SCN9A: variants seen among roughly 807,000 people sequenced by gnomAD.
SCN9A encodes sodium channel protein type 9 subunit alpha.
A neutral mutation model predicts 187.0 loss-of-function variants in SCN9A; 131 were observed. The observed-to-expected ratio is 0.70, with a 90% CI of 0.61 to 0.81. The LOEUF (loss-of-function observed/expected upper bound fraction) is 0.81, where lower values mean the gene tolerates loss of function less well. Ranked by LOEUF, SCN9A falls within the 30% of genes least tolerant of loss-of-function variation. The pLI is 0.00. For synonymous variants in SCN9A, 809 were observed against 808.6 expected, an observed-to-expected ratio of 1.00 and a Z score of -0.01; for missense variants, 2,252 against 2,396.6, an observed-to-expected ratio of 0.94 and a Z score of 1.26.
chr2:166,251,704 T>C, intron 18 of SCN9A, 61 bp downstream of exon 18: 1 of 1,599,650 alleles, frequency 6.3e-7, no homozygotes, highest in Non-Finnish European at 8.6e-7. Context: ...TATTAGGCGT[T>C]AAGACAAACC....
At position 166,304,134 on chromosome 2, in the gene SCN9A, G is replaced by T. The variant is rs144573884; in HGVS notation, c.688+104C>A. ...ACTCTGTCACATATCTGTAATAGGG[G>T]AGTTTATACACACAGTGACGACACA... On this transcript the variant is annotated intron_variant, in intron 6 of 26. Coordinates refer to ENST00000642356, the MANE Select transcript of SCN9A (RefSeq NM_001365536.1). The T allele has an allele frequency of 3.5e-5, 56 of 1,613,224 alleles. No individual in the cohort carries two copies. In the African/African-American group the frequency reaches 6.1e-4, roughly 18 times the overall value.
At chr2:166,225,809 T>C (rs192955571) in intron 24 of SCN9A, among the ~76,000 whole-genome samples, 271 of 152,114 alleles carry the variant, frequency 1.8e-3, no homozygotes, top group African/African-American at 5.6e-3. Flanking sequence ...ATGGGAGAGA[T>C]TGGAGTTCTG....
intron 1 of SCN9A, among the ~76,000 whole-genome samples, chr2:166,318,187 A>AC (rs1178763397): frequency 6.6e-6 from 1 of 152,114 alleles, no homozygotes; most frequent in African/African-American, 2.4e-5. Context: ...TTTAGCTAGA[A>AC]CCAGGGTGGA....
chr2:166,323,066 G>A (rs1369493121), intron 1 of SCN9A, among the ~76,000 whole-genome samples: 2 of 152,050 alleles, frequency 1.3e-5, no homozygotes, highest in African/African-American at 2.4e-5. Flanking sequence ...TTTATATGAA[G>A]ACTTGCAAAA....
chr2:166,329,429 C>A (rs1363984743), intron 1 of SCN9A, among the ~76,000 whole-genome samples: 1 of 151,952 alleles, frequency 6.6e-6, no homozygotes, highest in Non-Finnish European at 1.5e-5. Context: ...TTAAAATACA[C>A]TTTATTGTGT....
At position 166,286,616 on chromosome 2, in the gene SCN9A, G is replaced by A. The variant is rs200880165; in HGVS notation, c.1322C>T (p.Ala441Val). ...ACTTGTATATTCAGCCGCTGCCGCT[G>A]CAATTGCCTGGTTGGGCCAAGACGT... Reference protein sequence around the residue: ...KKEQEEAEAIAAAAAEYTSIR... With the variant: ...KKEQEEAEAIVAAAAEYTSIR... Residue 441 changes from alanine to valine, a missense_variant, in exon 11 of 27, where the codon GCA becomes GTA. Ala to Val is a moderately conservative substitution (Grantham distance 64). Around this residue, in one of 7 missense-constraint regions of SCN9A, gnomAD observed 1,013 missense variants for 997.4 expected, o/e 1.02. Transcript: ENST00000642356. 6.5e-7 allele frequency: 1 copy of A among 1,542,462 alleles called. No homozygotes were observed.
chr2:166,280,387 T>G lies in SCN9A; in HGVS notation c.2313A>C (p.Glu771Asp). ...MAMEHHPMTEEFKNVLAIGNL... is the reference protein window; with the variant it reads ...MAMEHHPMTEDFKNVLAIGNL... ...TTCCTATAGCAAGTACATTTTTGAA[T>G]TCCTCAGTCATTGGGTGGTGTTCCA... Residue 771 changes from glutamate to aspartate, a missense_variant, in exon 14 of 27, where the codon GAA becomes GAC. Glu to Asp is a conservative substitution (Grantham distance 45). This residue lies in a region of SCN9A where 1,013 missense variants were observed against 997.4 expected (regional missense o/e 1.02). Coordinates refer to ENST00000642356, the MANE Select transcript of SCN9A (RefSeq NM_001365536.1). 6.3e-7 allele frequency: 1 copy of G among 1,583,482 alleles called. No homozygotes were observed. The highest frequency in any genetic ancestry group is 1.2e-5 in the South Asian group (1 of 86,734).
At chr2:166,294,390 C>T (rs1024678744) in intron 8 of SCN9A, among the ~76,000 whole-genome samples, 2 of 152,140 alleles carry the variant, frequency 1.3e-5, no homozygotes, top group African/African-American at 2.4e-5. Context: ...TGTGTTAATT[C>T]GAGCACTGTC....
Position 166,272,695 on chromosome 2 carries a change from T to C in SCN9A, c.3055A>G (p.Lys1019Glu). Residue 1019 changes from lysine to glutamate, a missense_variant, in exon 17 of 27, where the codon AAG becomes GAG. By Grantham distance (56) the Lys-to-Glu change is moderately conservative. Coordinates refer to ENST00000642356, the MANE Select transcript of SCN9A (RefSeq NM_001365536.1). Reference sequence around the variant, plus strand: ...GCTTGTCTTATCTCCCTGGAAATCTTTGGCTTTTTGGAAAATGCTTTTAGA... The same window carrying C: ...GCTTGTCTTATCTCCCTGGAAATCTCTGGCTTTTTGGAAAATGCTTTTAGA... ...FILKAFSKKP[K>E]ISREIRQAED... 1 of 1,598,432 alleles carries C rather than the reference T, an allele frequency of 6.3e-7. No individual in the cohort carries two copies. The highest frequency in any genetic ancestry group is 8.5e-7 in the Non-Finnish European group (1 of 1,172,786).
At chr2:166,258,954 ATCAAT>A (rs1457387383) in intron 17 of SCN9A, among the ~76,000 whole-genome samples, 1 of 151,702 alleles carries the variant, frequency 6.6e-6, no homozygotes, top group Non-Finnish European at 1.5e-5. Flanking sequence ...TACTTTTATA[ATCAAT>A]TCAATAAAAA....
chr2:166,297,741 A>T (rs1698380430), intron 7 of SCN9A, among the ~76,000 whole-genome samples: 1 of 152,072 alleles, frequency 6.6e-6, no homozygotes, highest in South Asian at 2.1e-4. Context: ...TATACAGTTT[A>T]AAAAAAGGAA....
At chr2:166,234,569 TG>T (rs1469597606) in intron 20 of SCN9A, among the ~76,000 whole-genome samples, 1 of 152,158 alleles carries the variant, frequency 6.6e-6, no homozygotes, top group Non-Finnish European at 1.5e-5. Context: ...CTCATCCTCA[TG>T]TAGTATTTCC....
intron 1 of SCN9A, among the ~76,000 whole-genome samples, chr2:166,356,645 CT>C (rs1333390943): frequency 8.5e-5 from 13 of 152,208 alleles, no homozygotes; most frequent in African/African-American, 3.1e-4. Flanking sequence ...GTACCAACCC[CT>C]TGTGTATCCA....
chr2:166,362,652 G>A (rs1158180653), intron 1 of SCN9A, among the ~76,000 whole-genome samples: 1 of 151,778 alleles, frequency 6.6e-6, no homozygotes, highest in Non-Finnish European at 1.5e-5. Flanking sequence ...GAAGTGTTTT[G>A]CCTAAACATT....
chr2:166,372,501 C>T (rs1700589644), intron 1 of SCN9A, among the ~76,000 whole-genome samples: 2 of 152,142 alleles, frequency 1.3e-5, no homozygotes, highest in Admixed American at 6.5e-5. Flanking sequence ...TTTGGAGTCA[C>T]TTATAACCAT....
chr2:166,365,541 G>T (rs1700395408), intron 1 of SCN9A, among the ~76,000 whole-genome samples: 3 of 152,116 alleles, frequency 2.0e-5, no homozygotes, highest in Non-Finnish European at 4.4e-5. Flanking sequence ...CTCATCTTCT[G>T]CTTTCAATCT....
intron 18 of SCN9A, chr2:166,248,062 T>C (rs1695873249): frequency 2.0e-5 from 3 of 152,166 alleles, no homozygotes; most frequent in Admixed American, 1.3e-4. Context: ...GTGATAATTA[T>C]GAAGCTGAAA....
Position 166,242,556 on chromosome 2 carries a change from G to C in SCN9A, c.3573C>G (p.His1191Gln). The C allele has an allele frequency of 1.3e-6, 2 of 1,590,870 alleles. No homozygotes were observed. Among genetic ancestry groups the C allele is most frequent in the Non-Finnish European group, 1.7e-6 (2 of 1,167,870 alleles). ...IRKTCYKIVE[H>Q]SWFESFIVLM... Reference sequence around the variant, plus strand: ...GGACAATGAAGCTTTCAAACCAACTGTGTTCAACAATCTTGTAGCAGGTTT... The same window carrying C: ...GGACAATGAAGCTTTCAAACCAACTCTGTTCAACAATCTTGTAGCAGGTTT... The change falls in exon 19 of 27, where the codon CAC (histidine) becomes CAG (glutamine). Residue 1191 changes from histidine to glutamine, a missense_variant. Physicochemically the swap from His to Gln is conservative, Grantham distance 24. Transcript: ENST00000642356.
At chr2:166,287,665 T>G (rs1574870389) in intron 10 of SCN9A, among the ~76,000 whole-genome samples, 1 of 152,172 alleles carries the variant, frequency 6.6e-6, no homozygotes, top group African/African-American at 2.4e-5. Flanking sequence ...TATGTTTCTC[T>G]TAGTACAAGC....
Sources: gnomAD v4.1 joint callset for allele counts (sites outside exome capture counted in the v4.1 genomes callset) on GRCh38, gnomAD v4.1.1 for gene constraint, gnomAD v4.1.1 regional missense constraint, MANE v1.5 for transcripts, NCBI Gene and HGNC (gene_info 2026-07-23, HGNC 2026-07-21) for gene names.